Variants in ADGRL2 observed in about 807,000 individuals in gnomAD.
ADGRL2 encodes adhesion G protein-coupled receptor L2.
ADGRL2 carries 44 observed loss-of-function variants against 157.4 expected under a neutral mutation model. The ratio of observed to expected loss-of-function variants is 0.28; its 90% confidence interval spans 0.22 to 0.36. The LOEUF (loss-of-function observed/expected upper bound fraction) is 0.36. Ranked by LOEUF, ADGRL2 falls within the 10% of genes least tolerant of loss-of-function variation. The pLI is 1.00. For synonymous variants in ADGRL2, 585 were observed against 624.7 expected (o/e 0.94, Z 0.95); for missense variants, 1,510 against 1,768.9 (o/e 0.85, Z 2.63).
At chr1:81,928,077 C>T (rs2095149120) in intron 3 of ADGRL2, among the ~76,000 whole-genome samples, 1 of 152,008 alleles carries the variant, frequency 6.6e-6, no homozygotes, top group Admixed American at 6.6e-5. Flanking sequence ...AATCTATTTG[C>T]ATTGGTGCCT....
chr1:81,848,680 G>A (rs2092891375), intron 2 of ADGRL2, among the ~76,000 whole-genome samples: 1 of 151,874 alleles, frequency 6.6e-6, no homozygotes, highest in African/African-American at 2.4e-5. Flanking sequence ...ATTATGTAGA[G>A]TACAGGAGGA....
intron 3 of ADGRL2, among the ~76,000 whole-genome samples, chr1:81,931,437 G>A (rs1278134727): frequency 1.3e-5 from 2 of 152,104 alleles, no homozygotes; most frequent in Admixed American, 6.5e-5. Context: ...TAGTCAGAAA[G>A]TTGCAACCAG....
chr1:81,709,551 CAA>C (rs5775631), intron 1 of ADGRL2, among the ~76,000 whole-genome samples: 1 of 151,116 alleles, frequency 6.6e-6, no homozygotes. Context: ...AAAAACAAAA[CAA>C]AAAAAACCTT....
intron 1 of ADGRL2, among the ~76,000 whole-genome samples, chr1:81,804,983 A>G (rs530127807): frequency 2.0e-4 from 31 of 152,304 alleles, no homozygotes; most frequent in African/African-American, 7.2e-4. Flanking sequence ...CTTCTGTTGC[A>G]AAAAGAAGCT....
intron 3 of ADGRL2, among the ~76,000 whole-genome samples, chr1:81,917,777 G>A (rs75949154): frequency 0.073 from 11,167 of 151,994 alleles, 436 homozygotes; most frequent in African/African-American, 0.11. Flanking sequence ...TTTTCAGACC[G>A]CAGATCTGTT....
intron 2 of ADGRL2, among the ~76,000 whole-genome samples, chr1:81,446,453 G>A (rs767166022): frequency 4.6e-5 from 7 of 152,076 alleles, no homozygotes; most frequent in East Asian, 3.9e-4. Context: ...GACTTCATCC[G>A]CCCAGAAGAT....
At chr1:81,404,975 G>A (rs1396424408) in intron 1 of ADGRL2, among the ~76,000 whole-genome samples, 1 of 152,176 alleles carries the variant, frequency 6.6e-6, no homozygotes, top group Non-Finnish European at 1.5e-5. Context: ...TAAAAGCTAT[G>A]TTGACATTCT....
chr1:81,989,261 C>T (rs1664062745), intron 23 of ADGRL2, among the ~76,000 whole-genome samples: 1 of 152,120 alleles, frequency 6.6e-6, no homozygotes, highest in Non-Finnish European at 1.5e-5. Flanking sequence ...AGGCTGCCAC[C>T]CTTCTCCCAT....
chr1:81,410,153 A>G (rs935050780), intron 1 of ADGRL2, among the ~76,000 whole-genome samples: 4 of 152,214 alleles, frequency 2.6e-5, no homozygotes, highest in African/African-American at 9.6e-5. Flanking sequence ...ATTTTTCATA[A>G]ACAGATATTT....
chr1:81,753,194 T>C (rs1228610964), intron 1 of ADGRL2, among the ~76,000 whole-genome samples: 4 of 152,186 alleles, frequency 2.6e-5, no homozygotes, highest in Admixed American at 2.0e-4. Context: ...AGAGGTTTAA[T>C]TGGACTCACA....
chr1:81,607,755 T>C (rs537430449), intron 3 of ADGRL2, among the ~76,000 whole-genome samples: 1 of 152,336 alleles, frequency 6.6e-6, no homozygotes, highest in East Asian at 1.9e-4. Context: ...CTTCCTGACA[T>C]GACTTGACAT....
chr1:81,859,719 T>A (rs1436585232), intron 2 of ADGRL2, among the ~76,000 whole-genome samples: 1 of 152,164 alleles, frequency 6.6e-6, no homozygotes, highest in Non-Finnish European at 1.5e-5. Flanking sequence ...TGAAATAAAA[T>A]TTTTAATGTT....
intron 3 of ADGRL2, among the ~76,000 whole-genome samples, chr1:81,661,287 T>C (rs189254233): frequency 2.4e-4 from 36 of 152,338 alleles, no homozygotes; most frequent in Admixed American, 8.5e-4. Flanking sequence ...TTAAGTCCAA[T>C]TTGTTAGTAA....
In ADGRL2 at chr1:81,981,967, C is replaced by T; in HGVS notation, c.3273C>T (p.Leu1091=). 1 of 1,610,996 alleles carries T rather than the reference C, an allele frequency of 6.2e-7. No individual in the cohort carries two copies. The highest frequency in any genetic ancestry group is 8.5e-7 in the Non-Finnish European group (1 of 1,178,448). The part of the protein sequence containing the change: ...GVFIFIFHCA[L]QKKVRKEYGK... The stretch of plus-strand genomic sequence containing the variant: ...TCATTTTCATCTTTCACTGTGCTCT[C>T]CAAAAGAAAGTAAGTAATTGAAAAC... Residue 1091 remains leucine (L), a synonymous_variant, in exon 19 of 24, where the codon CTC becomes CTT. Coordinates refer to ENST00000686636, the MANE Select transcript of ADGRL2 (RefSeq NM_001366006.2).
intron 2 of ADGRL2, among the ~76,000 whole-genome samples, chr1:81,846,828 A>G (rs758572673): frequency 6.6e-6 from 1 of 151,948 alleles, no homozygotes; most frequent in Non-Finnish European, 1.5e-5. Context: ...GTTACACATT[A>G]CAATAGAAAG....
At chr1:81,477,888 C>T (rs1466106852) in intron 2 of ADGRL2, among the ~76,000 whole-genome samples, 1 of 152,056 alleles carries the variant, frequency 6.6e-6, no homozygotes, top group Non-Finnish European at 1.5e-5. Context: ...TTGAATGATC[C>T]ATCACTACGA....
chr1:81,325,554 C>T (rs1187484354), intron 1 of ADGRL2, among the ~76,000 whole-genome samples: 1 of 152,212 alleles, frequency 6.6e-6, no homozygotes, highest in Non-Finnish European at 1.5e-5. Flanking sequence ...CAGCTATTGG[C>T]TATTTACCAA....
At chr1:81,927,948 T>C (rs1334418336) in intron 3 of ADGRL2, among the ~76,000 whole-genome samples, 1 of 151,954 alleles carries the variant, frequency 6.6e-6, no homozygotes, top group Non-Finnish European at 1.5e-5. Context: ...TTTGAAAAGA[T>C]TTGATTTAAC....
chr1:81,370,318 A>T (rs755208241), intron 1 of ADGRL2, among the ~76,000 whole-genome samples: 5 of 152,212 alleles, frequency 3.3e-5, no homozygotes, highest in Non-Finnish European at 7.3e-5. Flanking sequence ...TATGAAATTC[A>T]AAACGATTAA....
Sources: gnomAD v4.1 joint callset for allele counts (sites outside exome capture counted in the v4.1 genomes callset) on GRCh38, gnomAD v4.1.1 for gene constraint, MANE v1.5 for transcripts, NCBI Gene and HGNC (gene_info 2026-07-23, HGNC 2026-07-21) for gene names.